The following NBEA variants were observed in gnomAD, a reference collection of about 807,000 sequenced individuals.
NBEA encodes lysosomal-trafficking regulator 2.
In NBEA, 44 loss-of-function variants were observed where a neutral mutation model predicts 343.4. The observed-to-expected ratio is 0.13, with a 90% confidence interval of 0.10 to 0.16. The LOEUF is 0.16. Ranked by LOEUF, NBEA falls within the 10% of genes least tolerant of loss-of-function variation. The pLI is 1.00. For missense variants in NBEA, 2,555 were observed against 3,631.3 expected (o/e 0.70, Z 7.62); for synonymous variants, 1,175 against 1,238.7 (o/e 0.95, Z 1.08).
In NBEA at chr13:35,051,268, T is replaced by A. The variant is rs549524646; in HGVS notation, c.972+873T>A. Among the ~76,000 whole-genome samples, 6 of 152,100 alleles carry A rather than the reference T, an allele frequency of 3.9e-5. No individual in the cohort carries two copies. The East Asian group carries it at 7.7e-4, about 20-fold the overall frequency. ...TCAACGTTTTTTAGGGCACACTGCCTCCTCCTAACAGAAATATTGCCTTAC... is the reference window on the plus strand; with the variant it reads ...TCAACGTTTTTTAGGGCACACTGCCACCTCCTAACAGAAATATTGCCTTAC... On this transcript the variant is annotated intron_variant, in intron 6 of 58. Transcript: ENST00000379939.
At chr13:35,429,252 A>G (rs2044926685) in intron 38 of NBEA, among the ~76,000 whole-genome samples, 1 of 152,226 alleles carries the variant, frequency 6.6e-6, no homozygotes, top group Admixed American at 6.5e-5. Context: ...GATACCACCC[A>G]GCAAGGGTGT....
In NBEA at chr13:34,949,621, A is replaced by G. The variant is rs763699880; in HGVS notation, c.294+6507A>G. On this transcript the variant is annotated intron_variant, in intron 1 of 58. Transcript: ENST00000379939. ...AATTCTTGTTACTCTGACCAATGATATATGGTTTATGCTTTGAAATTAGTT... is the reference window on the plus strand; with the variant it reads ...AATTCTTGTTACTCTGACCAATGATGTATGGTTTATGCTTTGAAATTAGTT... 6.6e-5 allele frequency among the ~76,000 whole-genome samples: 10 copies of G among 152,176 alleles called. 1 individual carries two copies. Among genetic ancestry groups the G allele is most frequent in the Middle Eastern group, 6.3e-3 (2 of 316 alleles).
chr13:35,622,610 A>G (rs2083043163), intron 48 of NBEA, among the ~76,000 whole-genome samples: 1 of 152,230 alleles, frequency 6.6e-6, no homozygotes, highest in Non-Finnish European at 1.5e-5. Context: ...TGTAATAGCT[A>G]CAACTTCAGT....
At chr13:35,607,713 T>C (rs376896002) in intron 48 of NBEA, among the ~76,000 whole-genome samples, 1 of 152,114 alleles carries the variant, frequency 6.6e-6, no homozygotes, top group Non-Finnish European at 1.5e-5. Flanking sequence ...AAGAGCTTAA[T>C]TGAAATATAA....
intron 44 of NBEA, among the ~76,000 whole-genome samples, chr13:35,557,569 A>T (rs9600950): frequency 0.026 from 3,990 of 152,144 alleles, 173 homozygotes; most frequent in African/African-American, 0.09. Context: ...TAACATGAAG[A>T]TTATATGGGC....
chr13:35,219,722 A>C (rs2074257642), intron 33 of NBEA, among the ~76,000 whole-genome samples: 1 of 152,102 alleles, frequency 6.6e-6, no homozygotes, highest in South Asian at 2.1e-4. Context: ...CCTATCCAAA[A>C]GCTGGCTGGC....
At chr13:35,340,011 C>T (rs1406447470) in intron 36 of NBEA, among the ~76,000 whole-genome samples, 1 of 152,080 alleles carries the variant, frequency 6.6e-6, no homozygotes, top group African/African-American at 2.4e-5. Context: ...AACTGAAACA[C>T]TTGTACATTG....
chr13:35,052,309 C>A (rs905120148), intron 6 of NBEA, among the ~76,000 whole-genome samples: 2 of 151,960 alleles, frequency 1.3e-5, no homozygotes, highest in Non-Finnish European at 2.9e-5. Context: ...CTTTTGCTTT[C>A]CCAGCTGTAC....
At chr13:35,407,151 G>T (rs2043312886) in intron 38 of NBEA, among the ~76,000 whole-genome samples, 1 of 150,502 alleles carries the variant, frequency 6.6e-6, no homozygotes, top group Non-Finnish European at 1.5e-5. Context: ...TTTCAGTAGA[G>T]ACAGGGTTTC....
At chr13:35,359,466 A>G (rs1035577401) in intron 38 of NBEA, among the ~76,000 whole-genome samples, 1 of 152,150 alleles carries the variant, frequency 6.6e-6, no homozygotes, top group African/African-American at 2.4e-5. Context: ...TATGTTCAAT[A>G]TGAAGGAATT....
At chr13:35,020,989 C>T (rs2061818796) in intron 1 of NBEA, among the ~76,000 whole-genome samples, 1 of 152,168 alleles carries the variant, frequency 6.6e-6, no homozygotes. Flanking sequence ...GATGCATTCA[C>T]ATGTAGGATT....
At chr13:35,383,034 A>G (rs1438687488) in intron 38 of NBEA, among the ~76,000 whole-genome samples, 1 of 152,158 alleles carries the variant, frequency 6.6e-6, no homozygotes, top group Non-Finnish European at 1.5e-5. Flanking sequence ...CCTTAAATGC[A>G]TTAATACTGG....
intron 38 of NBEA, among the ~76,000 whole-genome samples, chr13:35,426,337 G>A (rs558426281): frequency 6.6e-6 from 1 of 152,138 alleles, no homozygotes; most frequent in Admixed American, 6.5e-5. Context: ...TTTTAGGGCA[G>A]GCCTGGTAGT....
At chr13:35,128,523 G>A (rs907393189) in intron 17 of NBEA, among the ~76,000 whole-genome samples, 1 of 152,110 alleles carries the variant, frequency 6.6e-6, no homozygotes, top group Non-Finnish European at 1.5e-5. Flanking sequence ...AGATTGGAGT[G>A]CTATCATGCT....
intron 40 of NBEA, among the ~76,000 whole-genome samples, chr13:35,466,489 A>T (rs750176452): frequency 1.1e-4 from 16 of 152,096 alleles, no homozygotes; most frequent in Non-Finnish European, 2.1e-4. Context: ...TCCTGTAACT[A>T]TTTCCATGCA....
intron 1 of NBEA, among the ~76,000 whole-genome samples, chr13:34,999,693 G>A (rs2061059970): frequency 6.6e-6 from 1 of 151,946 alleles, no homozygotes; most frequent in Non-Finnish European, 1.5e-5. Flanking sequence ...TTATGGGTTT[G>A]AATTCATTTG....
intron 55 of NBEA, among the ~76,000 whole-genome samples, chr13:35,662,851 A>G (rs1454346065): frequency 6.6e-6 from 1 of 152,098 alleles, no homozygotes; most frequent in Admixed American, 6.6e-5. Context: ...TCCCAAAACT[A>G]TTCATTTTAT....
chr13:35,365,802 CT>C (rs1048851943), intron 38 of NBEA, among the ~76,000 whole-genome samples: 1 of 151,360 alleles, frequency 6.6e-6, no homozygotes, highest in East Asian at 1.9e-4. Context: ...TGTAAATATC[CT>C]TTTTTTATAA....
intron 13 of NBEA, among the ~76,000 whole-genome samples, chr13:35,112,104 A>T (rs2066246567): frequency 6.6e-6 from 1 of 151,748 alleles, no homozygotes; most frequent in Admixed American, 6.6e-5. Context: ...TTTTTAGTGG[A>T]GACAGGGTTT....
Sources: allele counts gnomAD v4.1 joint callset (sites outside exome capture counted in the v4.1 genomes callset), GRCh38; gene constraint gnomAD v4.1.1; transcripts MANE v1.5; gene names NCBI Gene and HGNC (gene_info 2026-07-23, HGNC 2026-07-21).